TNRC6B: variants seen among roughly 807,000 people sequenced by gnomAD.
TNRC6B encodes trinucleotide repeat containing adaptor 6B, also known as trinucleotide repeat-containing gene 6B protein.
TNRC6B carries 52 observed loss-of-function variants against 203.6 expected under a neutral mutation model. The ratio of observed to expected loss-of-function variants is 0.26; its 90% confidence interval spans 0.20 to 0.32. TNRC6B has a LOEUF of 0.32. Among genes scored for constraint, TNRC6B ranks in the 10% least tolerant of loss-of-function variants. TNRC6B has a pLI of 1.00. For missense variants in TNRC6B, 1,923 were observed against 2,286.2 expected (o/e 0.84, Z 3.24); for synonymous variants, 838 against 845.7 (o/e 0.99, Z 0.16).
At chr22:40,285,235 A>G (rs1248417798) in intron 11 of TNRC6B, among the ~76,000 whole-genome samples, 2 of 152,242 alleles carry the variant, frequency 1.3e-5, no homozygotes, top group Non-Finnish European at 2.9e-5. Flanking sequence ...AATACAACTG[A>G]TAACTATTCA....
chr22:40,221,090 A>G lies in TNRC6B; in HGVS notation c.6-24925A>G, dbSNP rs149572132. ...GGGATGTTCCCTGCCCCTCCCTCCC[A>G]ACTCTGTCGATACCTGTAGCATTCC... is the stretch of plus-strand genomic sequence containing the variant. On this transcript the variant is annotated intron_variant, in intron 1 of 22. Coordinates refer to ENST00000454349, the MANE Select transcript of TNRC6B (RefSeq NM_001162501.2). Among the ~76,000 whole-genome samples, 825 of 152,182 alleles carry G rather than the reference A, an allele frequency of 5.4e-3. 9 individuals are homozygous for G. Among genetic ancestry groups the G allele is most frequent in the Non-Finnish European group, 0.01 (695 of 68,000 alleles).
intron 1 of TNRC6B, among the ~76,000 whole-genome samples, chr22:40,222,728 C>CTCTTTTTTTTTTTTT (rs2069728214): frequency 2.5e-5 from 1 of 40,186 alleles, no homozygotes; most frequent in Non-Finnish European, 4.0e-5. Context: ...CTCTCTCTCT[C>CTCTTTTTTTTTTTTT]TTTTTTTTTT....
Position 40,117,828 on chromosome 22 carries a change from A to C in TNRC6B, c.-47+700A>C, listed in dbSNP as rs147256487. 5.0e-3 allele frequency among the ~76,000 whole-genome samples: 768 copies of C among 152,236 alleles called. 5 individuals carry two copies. Among genetic ancestry groups the C allele is most frequent in the African/African-American group, 0.018 (735 of 41,540 alleles). ...CTGTATTCTAAGAGCACCTGTTGTT[A>C]TTACAGTAATAAATTATTCAATATT... is the stretch of plus-strand genomic sequence containing the variant. On this transcript the variant is annotated intron_variant, in intron 2 of 23. Transcript: ENST00000301923.
At chr22:40,111,443 G>A (rs2068334216) in intron 1 of TNRC6B, among the ~76,000 whole-genome samples, 1 of 152,094 alleles carries the variant, frequency 6.6e-6, no homozygotes. Flanking sequence ...TTGAGGGTAG[G>A]AAAACCAGTT....
chr22:40,102,654 T>G (rs2146306030), intron 1 of TNRC6B, among the ~76,000 whole-genome samples: 1 of 152,262 alleles, frequency 6.6e-6, no homozygotes, highest in African/African-American at 2.4e-5. Context: ...ACATAGTAAA[T>G]TGCCCAGTTG....
At chr22:40,223,654 G>T (rs1003708004) in intron 1 of TNRC6B, among the ~76,000 whole-genome samples, 1 of 152,136 alleles carries the variant, frequency 6.6e-6, no homozygotes, top group Non-Finnish European at 1.5e-5. Context: ...GTATAATAAC[G>T]TATTTAACCA....
chr22:40,280,021 G>A lies in TNRC6B; in HGVS notation c.3289G>A (p.Val1097Met). 1 of 1,613,888 alleles carries A rather than the reference G, an allele frequency of 6.2e-7. No individual in the cohort carries two copies. Among genetic ancestry groups the A allele is most frequent in the East Asian group, 2.2e-5 (1 of 44,882 alleles). Residue 1097 changes from valine to methionine, a missense_variant, in exon 10 of 23, where the codon GTG becomes ATG. Physicochemically the swap from Val to Met is conservative, Grantham distance 21. Transcript: ENST00000454349. The stretch of plus-strand genomic sequence containing the variant: ...AAGCCTTTCAGATAAAAAATTTGAT[G>A]TGGACAAGCGAGCGATGAATCTCGG... Reference protein sequence around the residue: ...VGSLSDKKFDVDKRAMNLGDF... With the variant: ...VGSLSDKKFDMDKRAMNLGDF...
intron 4 of TNRC6B, among the ~76,000 whole-genome samples, chr22:40,172,542 T>G (rs979669821): frequency 1.3e-5 from 2 of 152,230 alleles, no homozygotes; most frequent in African/African-American, 2.4e-5. Flanking sequence ...TCATAATGAA[T>G]TATTCTCTTA....
intron 15 of TNRC6B, among the ~76,000 whole-genome samples, chr22:40,305,442 T>A (rs1419905740): frequency 6.6e-6 from 1 of 152,242 alleles, no homozygotes; most frequent in Non-Finnish European, 1.5e-5. Context: ...GGTTTAGAGA[T>A]ACGACAGCTT....
At chr22:40,213,156 G>C (rs951712978) in intron 1 of TNRC6B, among the ~76,000 whole-genome samples, 1 of 152,172 alleles carries the variant, frequency 6.6e-6, no homozygotes, top group African/African-American at 2.4e-5. Context: ...CACACCTGGA[G>C]TAATAAACTT....
At chr22:40,065,010 G>A (rs1240709451) in intron 1 of TNRC6B, among the ~76,000 whole-genome samples, 1 of 151,468 alleles carries the variant, frequency 6.6e-6, no homozygotes, top group Non-Finnish European at 1.5e-5. Flanking sequence ...ATGGTCTATA[G>A]CATTGTTTTT....
chr22:40,112,673 T>G (rs2068349551), intron 1 of TNRC6B, among the ~76,000 whole-genome samples: 1 of 152,216 alleles, frequency 6.6e-6, no homozygotes, highest in Non-Finnish European at 1.5e-5. Context: ...GTTCTGACTT[T>G]TAAATGCTAG....
In TNRC6B at chr22:40,332,695, G is replaced by C. The variant is rs865981088; in HGVS notation, c.*9454G>C. 6.6e-6 allele frequency: 1 copy of C among 152,310 alleles called. No individual in the cohort carries two copies. The highest frequency in any genetic ancestry group is 2.4e-5 in the African/African-American group (1 of 41,340). The allele number at this position is 152,310 out of a possible 1,614,324, so 9.4% of individuals were successfully genotyped here. A position where few individuals can be genotyped will look rare whatever the true frequency, so the allele number is the denominator to read the frequency against. On this transcript the variant is annotated 3_prime_UTR_variant, in exon 23 of 23. Coordinates refer to ENST00000454349, the MANE Select transcript of TNRC6B (RefSeq NM_001162501.2). ...AAAAACAACAAAAAAATAAAATCCT[G>C]ACGTTTCAACTGTCTCACACAAAAT...
chr22:40,225,658 G>A (rs796233430), intron 1 of TNRC6B, among the ~76,000 whole-genome samples: 77 of 147,186 alleles, frequency 5.2e-4, no homozygotes, highest in African/African-American at 1.6e-3. Flanking sequence ...CAGGAGAATC[G>A]CTTGAACTTG....
At chr22:40,244,582 C>T (rs1013671988) in intron 1 of TNRC6B, among the ~76,000 whole-genome samples, 3 of 152,000 alleles carry the variant, frequency 2.0e-5, no homozygotes, top group African/African-American at 7.3e-5. Flanking sequence ...GCTTCCCAAA[C>T]TTGAGTCCTT....
intron 12 of TNRC6B, among the ~76,000 whole-genome samples, chr22:40,296,677 G>C (rs986370641): frequency 6.6e-6 from 1 of 151,290 alleles, no homozygotes; most frequent in African/African-American, 2.4e-5. Flanking sequence ...GTCCAGGCTG[G>C]AGTGCAGTGG....
intron 15 of TNRC6B, among the ~76,000 whole-genome samples, chr22:40,306,788 C>T (rs556687770): frequency 6.6e-6 from 1 of 152,280 alleles, no homozygotes; most frequent in African/African-American, 2.4e-5. Flanking sequence ...GAGTTCTAGA[C>T]CAGCCTTGGC....
rs2070391962 is a variant in TNRC6B at position 40,261,940 on chromosome 22, T to G, written c.224T>G (p.Val75Gly). 6.2e-7 allele frequency: 1 copy of G among 1,612,810 alleles called. No individual in the cohort carries two copies. The highest frequency in any genetic ancestry group is 2.2e-5 in the East Asian group (1 of 44,876). ...NGGNNAKRVA[V>G]PNGQPPSAAR... is the part of the protein sequence containing the mutation. ...GGCAACAATGCCAAAAGGGTGGCAG[T>G]GCCGAACGGACAACCGCCAAGCGCC... The change falls in exon 4 of 23, where the codon GTG (valine) becomes GGG (glycine). Residue 75 changes from valine to glycine, a missense_variant. Physicochemically the swap from Val to Gly is moderately radical, Grantham distance 109. Transcript: ENST00000454349.
intron 2 of TNRC6B, among the ~76,000 whole-genome samples, chr22:40,248,451 A>G (rs1387235851): frequency 6.6e-6 from 1 of 152,236 alleles, no homozygotes; most frequent in Admixed American, 6.5e-5. Flanking sequence ...AAACAGAGTG[A>G]TTTAGAGAGT....
Sources: allele counts gnomAD v4.1 joint callset (sites outside exome capture counted in the v4.1 genomes callset), GRCh38; gene constraint gnomAD v4.1.1; transcripts MANE v1.5; gene names NCBI Gene and HGNC (gene_info 2026-07-23, HGNC 2026-07-21).